CACNA1D: variants seen among roughly 807,000 people sequenced by gnomAD.
CACNA1D encodes the protein calcium voltage-gated channel subunit alpha1 D.
Under a neutral mutation model 257.1 loss-of-function variants are expected in CACNA1D, and 55 were observed. The ratio of observed to expected loss-of-function variants is 0.21; its 90% confidence interval spans 0.17 to 0.27. The LOEUF (loss-of-function observed/expected upper bound fraction) is 0.27, where lower values mean the gene tolerates loss of function less well. CACNA1D is among the 10% of genes least tolerant of loss of function. The probability of loss-of-function intolerance (pLI) is 1.00; values close to 1 mark genes in which losing one functional copy is unlikely to be tolerated. For synonymous variants in CACNA1D, 980 were observed against 1,014.9 expected (o/e 0.97, Z 0.65); for missense variants, 1,876 against 2,784.0 (o/e 0.67, Z 7.34).
chr3:53,552,770 T>G (rs568865574), intron 3 of CACNA1D, among the ~76,000 whole-genome samples: 78 of 152,354 alleles, frequency 5.1e-4, no homozygotes, highest in Non-Finnish European at 9.7e-4. Flanking sequence ...AGATAACATG[T>G]TACCACTTTA....
chr3:53,623,320 T>C (rs1440052385), intron 3 of CACNA1D, among the ~76,000 whole-genome samples: 2 of 152,290 alleles, frequency 1.3e-5, no homozygotes, highest in Non-Finnish European at 2.9e-5. Context: ...TAGATGGTGA[T>C]ATACATGTGT....
intron 8 of CACNA1D, among the ~76,000 whole-genome samples, chr3:53,688,162 C>T (rs1199319052): frequency 6.6e-6 from 1 of 152,222 alleles, no homozygotes; most frequent in Admixed American, 6.5e-5. Context: ...ATAGTAGCCC[C>T]TGTGGGGCTG....
chr3:53,778,355 A>G (rs140634834), intron 37 of CACNA1D, among the ~76,000 whole-genome samples: 1 of 152,204 alleles, frequency 6.6e-6, no homozygotes, highest in African/African-American at 2.4e-5. Context: ...CATTTTGCTG[A>G]CTCAGGAACT....
intron 25 of CACNA1D, 84 bp downstream of exon 25, chr3:53,745,959 T>C: frequency 9.0e-7 from 1 of 1,105,882 alleles, no homozygotes; most frequent in Admixed American, 1.8e-5. Flanking sequence ...ACGTCAGAAG[T>C]TTTGGTCGTG....
intron 3 of CACNA1D, among the ~76,000 whole-genome samples, chr3:53,629,448 A>C (rs185014178): frequency 3.9e-5 from 6 of 152,382 alleles, no homozygotes; most frequent in African/African-American, 1.4e-4. Context: ...ACATAGGATA[A>C]AATACAGAAT....
chr3:53,740,598 GTTTTT>G, intron 21 of CACNA1D: 1 of 331,420 alleles, frequency 3.0e-6, no homozygotes, highest in South Asian at 3.6e-5. Flanking sequence ...GTTGAGCTAA[GTTTTT>G]TTTTTTTGTT....
At chr3:53,572,362 G>A (rs1028655882) in intron 3 of CACNA1D, among the ~76,000 whole-genome samples, 2 of 45,550 alleles carry the variant, frequency 4.4e-5, no homozygotes, top group Non-Finnish European at 1.5e-4. Context: ...CCTCTGGTTT[G>A]TTTGTTTGTT....
chr3:53,511,024 C>T (rs1056178983), intron 3 of CACNA1D, among the ~76,000 whole-genome samples: 5 of 152,260 alleles, frequency 3.3e-5, no homozygotes, highest in East Asian at 1.9e-4. Context: ...TATTTTGGAA[C>T]GTTTGCTTGC....
chr3:53,514,170 A>G (rs1414691705), intron 3 of CACNA1D, among the ~76,000 whole-genome samples: 2 of 152,104 alleles, frequency 1.3e-5, no homozygotes, highest in African/African-American at 4.8e-5. Context: ...AAATGGTTAT[A>G]TTGCTTGCAC....
intron 33 of CACNA1D, 83 bp downstream of exon 33, chr3:53,772,981 A>T (rs916154247): frequency 2.5e-4 from 289 of 1,144,122 alleles, no homozygotes; most frequent in Non-Finnish European, 3.6e-4. Flanking sequence ...GACCAAGTGA[A>T]GTAGAAGCAT....
chr3:53,617,416 T>A (rs1010518765), intron 3 of CACNA1D, among the ~76,000 whole-genome samples: 2 of 152,178 alleles, frequency 1.3e-5, no homozygotes. Context: ...TTCTTTACCT[T>A]CTAAGCCTCA....
In CACNA1D at chr3:53,776,003, C is replaced by T. The variant is rs188645103; in HGVS notation, c.4320C>T (p.Ala1440=). 25 of 1,614,110 alleles carry T rather than the reference C, an allele frequency of 1.5e-5. No individual in the cohort carries two copies. Among genetic ancestry groups the T allele is most frequent in the Non-Finnish European group, 2.1e-5 (25 of 1,179,984 alleles). ...GEEYTCGSNF[A]IVYFISFYML... ...AGTATACATGTGGGAGCAACTTTGC[C>T]ATTGTCTATTTCATCAGTTTTTACA... Residue 1440 remains alanine (A), a synonymous_variant, in exon 35 of 48, where the codon GCC becomes GCT. Coordinates refer to ENST00000350061, the MANE Select transcript of CACNA1D (RefSeq NM_001128840.3).
intron 3 of CACNA1D, among the ~76,000 whole-genome samples, chr3:53,623,391 AAGAT>A (rs2093720885): frequency 1.3e-5 from 2 of 152,244 alleles, no homozygotes; most frequent in Admixed American, 6.5e-5. Flanking sequence ...ATCTAAAAAT[AAGAT>A]AGATTGATGG....
intron 3 of CACNA1D, among the ~76,000 whole-genome samples, chr3:53,570,568 T>C (rs1199579060): frequency 6.6e-6 from 1 of 152,260 alleles, no homozygotes; most frequent in Non-Finnish European, 1.5e-5. Flanking sequence ...ATGATAATTA[T>C]ATCTTGATTG....
chr3:53,526,491 C>T (rs1054481855), intron 3 of CACNA1D, among the ~76,000 whole-genome samples: 1 of 152,188 alleles, frequency 6.6e-6, no homozygotes, highest in Non-Finnish European at 1.5e-5. Context: ...AGAACATTGT[C>T]CTTCCTAGAG....
intron 8 of CACNA1D, among the ~76,000 whole-genome samples, chr3:53,702,034 G>A (rs2094630672): frequency 6.6e-6 from 1 of 152,146 alleles, no homozygotes; most frequent in African/African-American, 2.4e-5. Context: ...GAACTGGGTT[G>A]TGGAGGGGGT....
At chr3:53,807,242 C>T (rs533276041) in intron 45 of CACNA1D, among the ~76,000 whole-genome samples, 21 of 152,338 alleles carry the variant, frequency 1.4e-4, no homozygotes, top group Middle Eastern at 3.4e-3. Flanking sequence ...CCCGGCCATT[C>T]GATCTGGAAA....
At chr3:53,791,141 A>G in intron 40 of CACNA1D, 2 of 677,696 alleles carry the variant, frequency 3.0e-6, no homozygotes, top group Non-Finnish European at 2.7e-6. Context: ...AGCAGACCCA[A>G]GGCCCCAGGG....
intron 45 of CACNA1D, 182 bp downstream of exon 45, chr3:53,805,328 G>A: frequency 1.6e-6 from 1 of 636,038 alleles, no homozygotes; most frequent in Non-Finnish European, 2.8e-6. Flanking sequence ...TATCTCACGT[G>A]ATAGAGCTCT....
Sources: allele counts gnomAD v4.1 joint callset (sites outside exome capture counted in the v4.1 genomes callset), GRCh38; gene constraint gnomAD v4.1.1; transcripts MANE v1.5; gene names NCBI Gene and HGNC (gene_info 2026-07-23, HGNC 2026-07-21).